Variants in LGALS3 observed in about 807,000 individuals in gnomAD.
LGALS3 encodes the protein galectin-3.
LGALS3 carries 18 observed loss-of-function variants against 20.7 expected under a neutral mutation model. The ratio of observed to expected loss-of-function variants is 0.87; its 90% CI spans 0.60 to 1.29. LGALS3 has a LOEUF of 1.29. Among genes scored for constraint, LGALS3 ranks in the 50% most tolerant of loss-of-function variants. LGALS3 has a pLI of 0.00. For missense variants in LGALS3, 315 were observed against 314.7 expected (o/e 1.00, Z -0.01); for synonymous variants, 112 against 119.6 (o/e 0.94, Z 0.42).
At position 55,138,080 on chromosome 14, in the gene LGALS3, C is replaced by A; in HGVS notation, c.54C>A (p.Asn18Lys). The A allele has an allele frequency of 1.3e-6, 2 of 1,512,310 alleles. No homozygotes were observed. Among genetic ancestry groups the A allele is most frequent in the South Asian group, 1.4e-5 (1 of 72,562 alleles). 93.7% of individuals were successfully genotyped at this position (1,512,310 alleles called of 1,614,324 possible). Residue 18 changes from asparagine to lysine, a missense_variant, in exon 3 of 6, where the codon AAC becomes AAA. Physicochemically the swap from Asn to Lys is moderately conservative, Grantham distance 94. Coordinates refer to ENST00000254301, the MANE Select transcript of LGALS3 (RefSeq NM_002306.4). ...CGTTATCTGGGTCTGGAAACCCAAA[C>A]CCTCAAGGATGGCCTGGCGCATGGG... ...HDALSGSGNP[N>K]PQGWPGAWGN...
chr14:55,141,805 G>C (rs1042917270), intron 4 of LGALS3, among the ~76,000 whole-genome samples: 3 of 152,200 alleles, frequency 2.0e-5, no homozygotes, highest in African/African-American at 7.2e-5. Context: ...AAAATACACA[G>C]ACAATCTTTG....
chr14:55,136,307 C>T (rs1030550707), intron 1 of LGALS3, among the ~76,000 whole-genome samples: 3 of 151,452 alleles, frequency 2.0e-5, no homozygotes, highest in Non-Finnish European at 4.4e-5. Context: ...ATAACAAGTA[C>T]CTTTGAAAAA....
intron 1 of LGALS3, among the ~76,000 whole-genome samples, chr14:55,136,660 A>G (rs1881404307): frequency 6.6e-6 from 1 of 152,208 alleles, no homozygotes; most frequent in African/African-American, 2.4e-5. Flanking sequence ...TTTGTGTTAC[A>G]AACAATCCAG....
intron 3 of LGALS3, among the ~76,000 whole-genome samples, chr14:55,138,831 A>G (rs1452605278): frequency 6.6e-6 from 1 of 152,198 alleles, no homozygotes; most frequent in Non-Finnish European, 1.5e-5. Flanking sequence ...AAAACCTTCT[A>G]AAGATAATTT....
intron 1 of LGALS3, among the ~76,000 whole-genome samples, chr14:55,136,166 GAT>G (rs1881389118): frequency 6.6e-6 from 1 of 152,110 alleles, no homozygotes; most frequent in African/African-American, 2.4e-5. Context: ...AAGCAGGACT[GAT>G]GTCTCCAGAC....
At chr14:55,142,315 G>T (rs531411301) in intron 4 of LGALS3, among the ~76,000 whole-genome samples, 1 of 152,164 alleles carries the variant, frequency 6.6e-6, no homozygotes, top group Non-Finnish European at 1.5e-5. Flanking sequence ...GGGCATTACA[G>T]ATGAATGGAA....
chr14:55,135,237 T>C (rs1330696860), intron 1 of LGALS3, among the ~76,000 whole-genome samples: 1 of 152,128 alleles, frequency 6.6e-6, no homozygotes, highest in African/African-American at 2.4e-5. Flanking sequence ...TAGTAAAGGA[T>C]GAGCATCCCC....
rs61160305 is a variant in LGALS3 at position 55,130,497 on chromosome 14, T to C, written c.-5+1197T>C. ...AATGAGACTGATACAATTAACTACT[T>C]GGGCACAGGGCCTGAGAAGAAAAAG... On this transcript the variant is annotated intron_variant, in intron 1 of 5. Coordinates refer to ENST00000254301, the MANE Select transcript of LGALS3 (RefSeq NM_002306.4). 9.3e-3 allele frequency among the ~76,000 whole-genome samples: 1,408 copies of C among 151,750 alleles called. 31 individuals carry two copies. The highest frequency in any genetic ancestry group is 0.033 in the African/African-American group (1,357 of 41,388).
At chr14:55,132,912 G>T (rs987373536) in intron 1 of LGALS3, among the ~76,000 whole-genome samples, 1 of 152,080 alleles carries the variant, frequency 6.6e-6, no homozygotes, top group Non-Finnish European at 1.5e-5. Flanking sequence ...AAGTTGACGG[G>T]GCATACCCAA....
At chr14:55,137,649 C>T (rs761239206) in intron 2 of LGALS3, 4 of 1,423,566 alleles carry the variant, frequency 2.8e-6, no homozygotes, top group Non-Finnish European at 3.7e-6. Context: ...AGGGAGTGGA[C>T]TCTGCCGGCA....
chr14:55,138,978 T>C (rs1881522627), intron 3 of LGALS3, among the ~76,000 whole-genome samples: 1 of 152,152 alleles, frequency 6.6e-6, no homozygotes, highest in Admixed American at 6.5e-5. Context: ...TATAATCTAG[T>C]TGGATGATAA....
Position 55,140,371 on chromosome 14 carries a change from G to C in LGALS3, c.431+8G>C. On this transcript the variant is annotated splice_region_variant and intron_variant, in intron 4 of 5. Coordinates refer to ENST00000254301, the MANE Select transcript of LGALS3 (RefSeq NM_002306.4). ...GAAGCCCAATGCAAACAGGTAAGGA[G>C]AGCAAAATTAACAAGTCTACTCTAT... 1.9e-6 allele frequency: 3 copies of C among 1,589,152 alleles called. No homozygotes were observed. The highest frequency in any genetic ancestry group is 2.6e-6 in the Non-Finnish European group (3 of 1,159,668).
intron 1 of LGALS3, among the ~76,000 whole-genome samples, chr14:55,130,662 C>A (rs1251124963): frequency 1.4e-5 from 2 of 147,408 alleles, no homozygotes; most frequent in East Asian, 4.0e-4. Flanking sequence ...CGGGTTCAAG[C>A]GATTCTCCTG....
chr14:55,136,747 C>G (rs982736120), intron 1 of LGALS3, among the ~76,000 whole-genome samples: 1 of 152,162 alleles, frequency 6.6e-6, no homozygotes, highest in African/African-American at 2.4e-5. Flanking sequence ...AAATACCCGG[C>G]CTTATTCATT....
intron 4 of LGALS3, among the ~76,000 whole-genome samples, chr14:55,141,745 A>C (rs923566563): frequency 6.6e-6 from 1 of 152,376 alleles, no homozygotes; most frequent in South Asian, 2.1e-4. Flanking sequence ...TTACAAATTT[A>C]ATCACTGGAA....
intron 2 of LGALS3, chr14:55,137,783 A>C: frequency 7.7e-7 from 1 of 1,300,316 alleles, no homozygotes; most frequent in Non-Finnish European, 9.7e-7. Flanking sequence ...CTAACTCCTG[A>C]CTTGAGCTAA....
chr14:55,137,569 AAG>A (rs1237837732), intron 2 of LGALS3, 178 bp downstream of exon 2: 1 of 1,527,626 alleles, frequency 6.5e-7, no homozygotes, highest in East Asian at 2.3e-5. Flanking sequence ...CAGATTTGGG[AAG>A]AAAGCCAGGC....
intron 1 of LGALS3, among the ~76,000 whole-genome samples, chr14:55,134,499 G>A (rs1379353029): frequency 6.6e-6 from 1 of 152,184 alleles, no homozygotes; most frequent in African/African-American, 2.4e-5. Context: ...CCACCTTGAA[G>A]TTCAAGATTG....
At chr14:55,137,676 C>A in intron 2 of LGALS3, 1 of 1,410,792 alleles carries the variant, frequency 7.1e-7, no homozygotes, top group Non-Finnish European at 9.2e-7. Flanking sequence ...GAGAAATCCT[C>A]TGAGTAGCGG....
Sources: allele counts gnomAD v4.1 joint callset (sites outside exome capture counted in the v4.1 genomes callset), GRCh38; gene constraint gnomAD v4.1.1; transcripts MANE v1.5; gene names NCBI Gene and HGNC (gene_info 2026-07-23, HGNC 2026-07-21).